Variants in ABCA13 observed in about 807,000 individuals in gnomAD.
ABCA13 encodes ATP-binding cassette sub-family A member 13.
A neutral mutation model predicts 478.7 loss-of-function variants in ABCA13; 476 were observed. The observed-to-expected ratio is 0.99, with a 90% CI of 0.92 to 1.07. The LOEUF (loss-of-function observed/expected upper bound fraction) is 1.07, where lower values mean the gene tolerates loss of function less well. Ranked by LOEUF, ABCA13 falls within the 50% of genes least tolerant of loss-of-function variation. ABCA13 has a pLI of 0.00. For synonymous variants in ABCA13, 2,252 were observed against 2,158.9 expected (o/e 1.04, Z -1.20); for missense variants, 6,060 against 5,910.6 (o/e 1.03, Z -0.83).
intron 51 of ABCA13, among the ~76,000 whole-genome samples, chr7:48,511,799 G>A (rs1831709739): frequency 6.6e-6 from 1 of 151,982 alleles, no homozygotes; most frequent in African/African-American, 2.4e-5. Context: ...TTATATACAG[G>A]CTAACTACAT....
At chr7:48,471,899 G>A in intron 45 of ABCA13, among the ~76,000 whole-genome samples, 1 of 152,144 alleles carries the variant, frequency 6.6e-6, no homozygotes, top group Non-Finnish European at 1.5e-5. Context: ...AGCTAGAATT[G>A]CCCTAAGGAA....
rs1348892328 is a variant in ABCA13 at position 48,221,316 on chromosome 7, A to G, written c.468+7A>G. 3 of 1,134,290 alleles carry G rather than the reference A, an allele frequency of 2.6e-6. No individual in the cohort carries two copies. Among genetic ancestry groups the G allele is most frequent in the African/African-American group, 1.6e-5 (1 of 64,106 alleles). 70.3% of individuals were successfully genotyped at this position (1,134,290 alleles called of 1,614,324 possible). A position where few individuals can be genotyped will look rare whatever the true frequency, so the allele number is the denominator to read the frequency against. On this transcript the variant is annotated splice_region_variant and intron_variant, in intron 5 of 61. Coordinates refer to ENST00000435803, the MANE Select transcript of ABCA13 (RefSeq NM_152701.5). ...TGGTTCCAGTTTTTTTACAGTAAGT[A>G]TCTTAACAATAGTTTGAAAATTAGT...
chr7:48,559,803 C>A (rs915225128), intron 55 of ABCA13, among the ~76,000 whole-genome samples: 6 of 152,164 alleles, frequency 3.9e-5, no homozygotes, highest in African/African-American at 1.4e-4. Flanking sequence ...TCCCTTCTGG[C>A]TGAAGTTATT....
chr7:48,329,948 G>A (rs941197435), intron 27 of ABCA13, among the ~76,000 whole-genome samples: 6 of 136,218 alleles, frequency 4.4e-5, no homozygotes, highest in Non-Finnish European at 9.5e-5. Context: ...CATCCATCTA[G>A]CCTTCTATCC....
At chr7:48,537,604 T>C (rs1833671880) in intron 55 of ABCA13, among the ~76,000 whole-genome samples, 1 of 152,168 alleles carries the variant, frequency 6.6e-6, no homozygotes, top group South Asian at 2.1e-4. Context: ...TAATTCCTAC[T>C]GGCTATTTTA....
intron 29 of ABCA13, among the ~76,000 whole-genome samples, chr7:48,345,263 A>G (rs1807889557): frequency 6.6e-6 from 1 of 152,190 alleles, no homozygotes; most frequent in Non-Finnish European, 1.5e-5. Context: ...TTATTGGTGT[A>G]TGTGTTTAAT....
intron 42 of ABCA13, among the ~76,000 whole-genome samples, chr7:48,437,494 A>G (rs1397038791): frequency 6.6e-6 from 1 of 151,906 alleles, no homozygotes; most frequent in Non-Finnish European, 1.5e-5. Context: ...TTTGGTTTAT[A>G]TATTATTTAT....
intron 29 of ABCA13, among the ~76,000 whole-genome samples, chr7:48,343,792 T>A (rs576705906): frequency 6.6e-6 from 1 of 152,106 alleles, no homozygotes; most frequent in Admixed American, 6.5e-5. Context: ...TTTCTGGTTG[T>A]TCTTGGAAGG....
In ABCA13 at chr7:48,645,567, G is replaced by T; in HGVS notation, c.*55G>T. The T allele has an allele frequency of 6.9e-7, 1 of 1,441,008 alleles. No individual in the cohort carries two copies. Among genetic ancestry groups the T allele is most frequent in the Non-Finnish European group, 9.5e-7 (1 of 1,050,440 alleles). 89.3% of individuals were successfully genotyped at this position (1,441,008 alleles called of 1,614,324 possible). On this transcript the variant is annotated 3_prime_UTR_variant, in exon 62 of 62. Transcript: ENST00000435803. ...ACCTTGTCTTCCATTACAATTAACA[G>T]TCAAGGATAAAACAAGCACGCGCAC... is the stretch of plus-strand genomic sequence containing the variant.
At chr7:48,271,039 C>T (rs978353866) in intron 16 of ABCA13, among the ~76,000 whole-genome samples, 3 of 152,208 alleles carry the variant, frequency 2.0e-5, no homozygotes, top group African/African-American at 7.2e-5. Flanking sequence ...AGGGCTGTCC[C>T]AGCCCTCACT....
At chr7:48,346,063 C>T (rs766888873) in intron 29 of ABCA13, among the ~76,000 whole-genome samples, 27 of 152,288 alleles carry the variant, frequency 1.8e-4, no homozygotes, top group Non-Finnish European at 2.5e-4. Flanking sequence ...ATAGGCTATG[C>T]TATACAGCTA....
At position 48,507,066 on chromosome 7, in the gene ABCA13, C is replaced by T. The variant is rs191468656; in HGVS notation, c.13346+676C>T. Among the ~76,000 whole-genome samples the T allele has an allele frequency of 3.0e-4, 46 of 152,298 alleles. 1 individual carries two copies. The highest frequency in any genetic ancestry group is 2.7e-3 in the East Asian group (14 of 5,176). ...CTCAAGTTGTTAATCTGGCAGGAAC[C>T]GGCAGGAAGCACCGGTTGGGTTGCA... On this transcript the variant is annotated intron_variant, in intron 49 of 61. Coordinates refer to ENST00000435803, the MANE Select transcript of ABCA13 (RefSeq NM_152701.5).
rs1832340231 is a variant in ABCA13 at position 48,519,043 on chromosome 7, TTATAAGTG to T, written c.13798-997_13798-990del. Among the ~76,000 whole-genome samples, 3 of 151,786 alleles carry T rather than the reference TTATAAGTG, an allele frequency of 2.0e-5. 1 individual carries two copies. The highest frequency in any genetic ancestry group is 7.2e-5 in the African/African-American group (3 of 41,434). On this transcript the variant is annotated intron_variant, in intron 52 of 61. Transcript: ENST00000435803. The stretch of plus-strand genomic sequence containing the variant: ...TGCGTTCTCATTGCTCAGCTCCCAC[TTATAAGTG>T]GGAATATGCAGTGTTTGGTTTTCTG...
chr7:48,277,250 C>T lies in ABCA13; in HGVS notation c.6899+685C>T, dbSNP rs1796420933. Reference sequence around the variant, plus strand: ...GAGGCCCACAGTAGGCAGGGGCGCCCACAGCAGGCAGGGGCGCTGCGGGCA... The same window carrying T: ...GAGGCCCACAGTAGGCAGGGGCGCCTACAGCAGGCAGGGGCGCTGCGGGCA... On this transcript the variant is annotated intron_variant, in intron 17 of 61. Coordinates refer to ENST00000435803, the MANE Select transcript of ABCA13 (RefSeq NM_152701.5). 2.0e-5 allele frequency among the ~76,000 whole-genome samples: 3 copies of T among 152,084 alleles called. No individual in the cohort carries two copies. In the South Asian group the frequency reaches 6.2e-4, roughly 32 times the overall value.
At chr7:48,334,074 T>G (rs914220862) in intron 27 of ABCA13, among the ~76,000 whole-genome samples, 2 of 152,166 alleles carry the variant, frequency 1.3e-5, no homozygotes, top group Non-Finnish European at 2.9e-5. Flanking sequence ...CTTCTGTTAC[T>G]AGAATGTTAG....
At chr7:48,200,908 C>T (rs1337860611) in intron 3 of ABCA13, among the ~76,000 whole-genome samples, 1 of 152,236 alleles carries the variant, frequency 6.6e-6, no homozygotes. Flanking sequence ...CCTGTAATCC[C>T]AGCGCTTTGG....
At chr7:48,349,670 A>C (rs911181247) in intron 29 of ABCA13, among the ~76,000 whole-genome samples, 1 of 152,200 alleles carries the variant, frequency 6.6e-6, no homozygotes, top group African/African-American at 2.4e-5. Context: ...GGAGGGAAGC[A>C]AGCATGAGAG....
In ABCA13 at chr7:48,389,203, C is replaced by T. The variant is rs377392189; in HGVS notation, c.11637C>T (p.Ala3879=). Residue 3879 remains alanine, a synonymous_variant, in exon 37 of 62, where the codon GCC becomes GCT. Coordinates refer to ENST00000435803, the MANE Select transcript of ABCA13 (RefSeq NM_152701.5). Reference sequence around the variant, plus strand: ...CCGCCCTGCTGGGGACAAACGGTGCCGGGAAAACCACTATCATGTGGGTCC... The same window carrying T: ...CCGCCCTGCTGGGGACAAACGGTGCTGGGAAAACCACTATCATGTGGGTCC... ...QITALLGTNG[A]GKTTIISMLT... 32 of 1,613,314 alleles carry T rather than the reference C, an allele frequency of 2.0e-5. No individual in the cohort carries two copies. Among genetic ancestry groups the T allele is most frequent in the South Asian group, 8.8e-5 (8 of 91,022 alleles).
intron 59 of ABCA13, among the ~76,000 whole-genome samples, chr7:48,636,366 T>C (rs973514484): frequency 2.0e-5 from 3 of 152,238 alleles, no homozygotes; most frequent in African/African-American, 7.2e-5. Context: ...TTGTAATTAG[T>C]GTTTGAAAGG....
Sources: allele counts gnomAD v4.1 joint callset (sites outside exome capture counted in the v4.1 genomes callset), GRCh38; gene constraint gnomAD v4.1.1; transcripts MANE v1.5; gene names NCBI Gene and HGNC (gene_info 2026-07-23, HGNC 2026-07-21).